KLRG1: variants seen among roughly 807,000 people sequenced by gnomAD.
KLRG1 encodes the protein killer cell lectin-like receptor subfamily G member 1.
Under a neutral mutation model 21.8 loss-of-function variants are expected in KLRG1, and 16 were observed. That is an observed-to-expected ratio of 0.73 (90% CI 0.50 to 1.11). The LOEUF (loss-of-function observed/expected upper bound fraction) is 1.11. Ranked by LOEUF, KLRG1 falls within the 50% of genes most tolerant of loss-of-function variation. The probability of loss-of-function intolerance (pLI) is 0.00; values close to 1 mark genes in which losing one functional copy is unlikely to be tolerated. For synonymous variants in KLRG1, 69 were observed against 75.9 expected, an observed-to-expected ratio of 0.91 and a Z score of 0.47; for missense variants, 173 against 218.3, an observed-to-expected ratio of 0.79 and a Z score of 1.31.
chr12:9,002,020 C>T (rs144676089), intron 3 of KLRG1, among the ~76,000 whole-genome samples: 92 of 151,902 alleles, frequency 6.1e-4, no homozygotes, highest in South Asian at 2.7e-3. Context: ...TATTTTTATA[C>T]GTCTTGCATC....
At chr12:9,138,869 GTTAA>G in the KLRG1 span, among the ~76,000 whole-genome samples, 1 of 150,756 alleles carries the variant, frequency 6.6e-6, no homozygotes, top group Non-Finnish European at 1.5e-5. Context: ...ATAAGGGTGT[GTTAA>G]TTATTTTTTT....
At chr12:9,165,956 T>C in the KLRG1 span, 7 of 1,433,224 alleles carry the variant, frequency 4.9e-6, no homozygotes, top group African/African-American at 5.7e-5. Flanking sequence ...AAGATAATTA[T>C]TCAGAACTTT....
At chr12:9,033,724 G>C in the KLRG1 span, among the ~76,000 whole-genome samples, 10 of 152,222 alleles carry the variant, frequency 6.6e-5, no homozygotes, top group Non-Finnish European at 1.2e-4. Flanking sequence ...TGAGAAGTTA[G>C]CAGAAGTTGC....
chr12:9,139,933 G>A, the KLRG1 span, among the ~76,000 whole-genome samples: 2 of 152,160 alleles, frequency 1.3e-5, no homozygotes, highest in Non-Finnish European at 2.9e-5. Flanking sequence ...GGCTTGGAAT[G>A]TTTCTGTGTG....
At chr12:9,121,461 A>G in the KLRG1 span, among the ~76,000 whole-genome samples, 2 of 152,228 alleles carry the variant, frequency 1.3e-5, no homozygotes, top group East Asian at 3.9e-4. This position sits in a 1 kb window ranked among gnomAD's most constrained non-coding sequence, Gnocchi z 4.4. Flanking sequence ...GAATCGCTTA[A>G]ACCCGGGAGG....
At chr12:9,050,211 G>A in the KLRG1 span, among the ~76,000 whole-genome samples, 1 of 152,196 alleles carries the variant, frequency 6.6e-6, no homozygotes, top group Non-Finnish European at 1.5e-5. Flanking sequence ...ACAGTTTTAA[G>A]AAGTGGAATA....
chr12:9,068,574 A>G, the KLRG1 span, among the ~76,000 whole-genome samples: 2 of 152,252 alleles, frequency 1.3e-5, no homozygotes, highest in East Asian at 1.9e-4. Flanking sequence ...GGTTGTTTCT[A>G]TAATGTATGT....
At chr12:9,002,584 GT>G (rs1947337088) in intron 3 of KLRG1, among the ~76,000 whole-genome samples, 1 of 151,896 alleles carries the variant, frequency 6.6e-6, no homozygotes, top group African/African-American at 2.4e-5. Context: ...TGTTGTTGTT[GT>G]TGTTGTTGTT....
chr12:9,209,134 A>G, the KLRG1 span, among the ~76,000 whole-genome samples: 1 of 152,118 alleles, frequency 6.6e-6, no homozygotes, highest in East Asian at 1.9e-4. Context: ...TTCAGTATCC[A>G]TGCTCTCATA....
the KLRG1 span, among the ~76,000 whole-genome samples, chr12:9,136,382 G>C: frequency 2.0e-5 from 3 of 152,104 alleles, no homozygotes; most frequent in Non-Finnish European, 4.4e-5. Context: ...TTATGAATGG[G>C]TATACATTTG....
chr12:8,950,178 G>C (rs953481744), exon 1 of KLRG1: 1 of 152,260 alleles, frequency 6.6e-6, no homozygotes, highest in African/African-American at 2.4e-5. Flanking sequence ...CAGCGACGGG[G>C]CCGTGATGTG....
At chr12:9,129,651 A>G in the KLRG1 span, among the ~76,000 whole-genome samples, 1 of 151,936 alleles carries the variant, frequency 6.6e-6, no homozygotes, top group Non-Finnish European at 1.5e-5. Flanking sequence ...TGCTCACTGC[A>G]AACTCCGCCT....
the KLRG1 span, chr12:9,201,077 A>G: frequency 6.2e-7 from 1 of 1,613,364 alleles, no homozygotes; most frequent in Non-Finnish European, 8.5e-7. Flanking sequence ...GGAAACAAGA[A>G]ACATGGGCGG....
the KLRG1 span, among the ~76,000 whole-genome samples, chr12:9,200,181 TTAAG>T: frequency 3.5e-4 from 53 of 152,320 alleles, 2 homozygotes; most frequent in South Asian, 8.9e-3. Flanking sequence ...TAAATCATAA[TTAAG>T]TGTGTTTCTA....
chr12:8,999,006 T>C (rs1234801971), intron 3 of KLRG1, among the ~76,000 whole-genome samples: 1 of 152,124 alleles, frequency 6.6e-6, no homozygotes, highest in Non-Finnish European at 1.5e-5. Context: ...TAGGCTTAAA[T>C]ATATTTAAAA....
chr12:9,114,012 G>C, the KLRG1 span, among the ~76,000 whole-genome samples: 1 of 152,130 alleles, frequency 6.6e-6, no homozygotes, highest in Non-Finnish European at 1.5e-5. Context: ...AAAATTGTAT[G>C]GTAAGCACTC....
chr12:9,093,240 T>C, the KLRG1 span, among the ~76,000 whole-genome samples: 5 of 151,914 alleles, frequency 3.3e-5, no homozygotes, highest in Non-Finnish European at 2.9e-5. Flanking sequence ...ATTTTAGGTG[T>C]GCTTGCTATG....
the KLRG1 span, among the ~76,000 whole-genome samples, chr12:9,033,571 C>T: frequency 3.3e-5 from 5 of 152,202 alleles, no homozygotes; most frequent in African/African-American, 4.8e-5. Context: ...TACTCCTTGG[C>T]TCTATGCTTG....
chr12:9,009,561 C>A lies in KLRG1; in HGVS notation c.*24C>A, dbSNP rs773859724. Reference sequence around the variant, plus strand: ...GATAGATGACCACTCTGTCCTGACCCTCAGATCTGTCATGTATCCCTAAAA... The same window carrying A: ...GATAGATGACCACTCTGTCCTGACCATCAGATCTGTCATGTATCCCTAAAA... On this transcript the variant is annotated 3_prime_UTR_variant, in exon 5 of 5. Coordinates refer to ENST00000356986, the MANE Select transcript of KLRG1 (RefSeq NM_005810.4). 8.1e-6 allele frequency: 13 copies of A among 1,612,398 alleles called. No individual in the cohort carries two copies. Among genetic ancestry groups the A allele is most frequent in the Non-Finnish European group, 1.1e-5 (13 of 1,179,250 alleles).
Sources: gnomAD v4.1 joint callset for allele counts (sites outside exome capture counted in the v4.1 genomes callset) on GRCh38, gnomAD v4.1.1 for gene constraint, Gnocchi (gnomAD v3.1) non-coding constraint, MANE v1.5 for transcripts, NCBI Gene and HGNC (gene_info 2026-07-23, HGNC 2026-07-21) for gene names.